TAF15: variants seen among roughly 807,000 people sequenced by gnomAD.
The protein encoded by TAF15 is TATA-binding protein-associated factor 2N.
A neutral mutation model predicts 102.5 loss-of-function variants in TAF15; 37 were observed. That is an observed-to-expected ratio of 0.36 (90% CI 0.28 to 0.47). The LOEUF is 0.47. Among genes scored for constraint, TAF15 ranks in the 20% least tolerant of loss-of-function variants. The probability of loss-of-function intolerance (pLI) is 0.99; values close to 1 mark genes in which losing one functional copy is unlikely to be tolerated. For synonymous variants in TAF15, 273 were observed against 259.2 expected, an observed-to-expected ratio of 1.05 and a Z score of -0.51; for missense variants, 652 against 760.7, an observed-to-expected ratio of 0.86 and a Z score of 1.68.
rs1203818378 is a variant in TAF15 at position 35,834,552 on chromosome 17, T to A, written c.641-14T>A. On this transcript the variant is annotated splice_polypyrimidine_tract_variant and intron_variant, in intron 8 of 15. Coordinates refer to ENST00000605844, the MANE Select transcript of TAF15 (RefSeq NM_139215.3). Reference sequence around the variant, plus strand: ...TTGCCTTAAATAGCTCTTTTTTCTTTTCTTTTCCCTTAGGTCACAGGGATT... The same window carrying A: ...TTGCCTTAAATAGCTCTTTTTTCTTATCTTTTCCCTTAGGTCACAGGGATT... The A allele has an allele frequency of 1.9e-6, 3 of 1,613,192 alleles. 1 individual carries two copies. In the Admixed American group the frequency reaches 5.0e-5, roughly 27 times the overall value.
intron 1 of TAF15, among the ~76,000 whole-genome samples, chr17:35,813,177 AAAAG>A (rs1308794107): frequency 6.6e-6 from 1 of 152,054 alleles, no homozygotes; most frequent in African/African-American, 2.4e-5. Context: ...ATAGATTTGA[AAAAG>A]AATCAAGTAA....
At chr17:35,838,238 G>A (rs1449798984) in intron 10 of TAF15, among the ~76,000 whole-genome samples, 186 bp from the exon 11 acceptor site, 1 of 152,004 alleles carries the variant, frequency 6.6e-6, no homozygotes, top group Non-Finnish European at 1.5e-5. Flanking sequence ...TTATAGCTTG[G>A]TTTTCACTTA....
chr17:35,827,161 G>C (rs894568045), intron 7 of TAF15, among the ~76,000 whole-genome samples: 1 of 151,636 alleles, frequency 6.6e-6, no homozygotes, highest in Non-Finnish European at 1.5e-5. Context: ...GGAGGCCGAG[G>C]CATTTCCACT....
At chr17:35,823,166 C>G (rs2087283779) in intron 6 of TAF15, among the ~76,000 whole-genome samples, 1 of 151,980 alleles carries the variant, frequency 6.6e-6, no homozygotes, top group East Asian at 1.9e-4. Context: ...CCTTTAAGGC[C>G]TAGTACATGG....
chr17:35,840,947 C>T lies in TAF15; in HGVS notation c.914-1420C>T, dbSNP rs112873637. 5.3e-5 allele frequency among the ~76,000 whole-genome samples: 8 copies of T among 152,306 alleles called. 1 individual carries two copies. The highest frequency in any genetic ancestry group is 1.9e-4 in the African/African-American group (8 of 41,568). On this transcript the variant is annotated intron_variant, in intron 11 of 15. Coordinates refer to ENST00000605844, the MANE Select transcript of TAF15 (RefSeq NM_139215.3). ...TTTAGACTAATTTGTCAGACTTCAT[C>T]ACCTTGCTCTTGAAGGCTAAGTCCA...
At chr17:35,830,569 T>A (rs1490620906) in intron 7 of TAF15, among the ~76,000 whole-genome samples, 1 of 152,218 alleles carries the variant, frequency 6.6e-6, no homozygotes, top group Non-Finnish European at 1.5e-5. Context: ...CAGGCACATC[T>A]TCTGTTAATA....
intron 1 of TAF15, chr17:35,816,639 A>G (rs1235398013): frequency 6.7e-6 from 1 of 149,090 alleles, no homozygotes; most frequent in African/African-American, 2.5e-5. Context: ...CGTTTCATAA[A>G]ATCTGCTCTT....
chr17:35,824,054 T>G (rs2087296188), intron 6 of TAF15, 24 bp from the exon 7 acceptor site: 1 of 1,613,912 alleles, frequency 6.2e-7, no homozygotes, highest in South Asian at 1.1e-5. Context: ...TGGTTATTTG[T>G]GTGTAATATT....
rs552515465 is a variant in TAF15, at chr17:35,825,013, A to G, written c.605+815A>G. ...TGTGTAAATACACAGGCTAAAAGGT[A>G]ATTTATGTTCCTTGGGAATTGAAAT... On this transcript the variant is annotated intron_variant, in intron 7 of 15. Coordinates refer to ENST00000605844, the MANE Select transcript of TAF15 (RefSeq NM_139215.3). Among the ~76,000 whole-genome samples, 207 of 152,274 alleles carry G rather than the reference A, an allele frequency of 1.4e-3. 1 individual carries two copies. In the Middle Eastern group the frequency reaches 0.024, roughly 18 times the overall value.
chr17:35,809,742 C>A (rs2087102405), intron 1 of TAF15, 166 bp downstream of exon 1: 3 of 894,386 alleles, frequency 3.4e-6, no homozygotes, highest in South Asian at 1.4e-5. Context: ...GAGGCACGCA[C>A]GCTCCCAATG....
chr17:35,842,330 A>AG (rs1265828623), intron 11 of TAF15, 37 bp from the exon 12 acceptor site: 7 of 1,500,648 alleles, frequency 4.7e-6, no homozygotes, highest in Non-Finnish European at 4.6e-6. Flanking sequence ...GGAGGTATAG[A>AG]GTAGCATTGC....
chr17:35,839,994 T>G (rs1472544018), intron 11 of TAF15, among the ~76,000 whole-genome samples: 1 of 152,234 alleles, frequency 6.6e-6, no homozygotes, highest in East Asian at 1.9e-4. Flanking sequence ...TAACTCAATT[T>G]AATCTTCATA....
Position 35,825,659 on chromosome 17 carries a change from T to A in TAF15, c.605+1461T>A, listed in dbSNP as rs528978992. Reference sequence around the variant, plus strand: ...AGGTAGGGAAGTCATTATAAATATATTTTCACTGGCCAGGCATGGTGACCC... The same window carrying A: ...AGGTAGGGAAGTCATTATAAATATAATTTCACTGGCCAGGCATGGTGACCC... On this transcript the variant is annotated intron_variant, in intron 7 of 15. Transcript: ENST00000605844. 8.5e-5 allele frequency among the ~76,000 whole-genome samples: 13 copies of A among 152,248 alleles called. No homozygotes were observed. In the East Asian group the frequency reaches 1.4e-3, roughly 16 times the overall value.
At chr17:35,812,565 A>G (rs983284115) in intron 1 of TAF15, among the ~76,000 whole-genome samples, 2 of 149,448 alleles carry the variant, frequency 1.3e-5, no homozygotes, top group Admixed American at 6.7e-5. Flanking sequence ...AGCCTGGGGA[A>G]CAAGAGAAAC....
At chr17:35,839,681 CG>C (rs1283675258) in intron 11 of TAF15, among the ~76,000 whole-genome samples, 3 of 152,032 alleles carry the variant, frequency 2.0e-5, no homozygotes, top group African/African-American at 7.3e-5. Flanking sequence ...CGCACCCGGC[CG>C]AGATGCTTTT....
chr17:35,816,545 A>T (rs2087196960), intron 1 of TAF15, among the ~76,000 whole-genome samples: 2 of 152,214 alleles, frequency 1.3e-5, no homozygotes, highest in Non-Finnish European at 2.9e-5. Flanking sequence ...ATTTGACAAC[A>T]GTGATTTTTG....
intron 5 of TAF15, among the ~76,000 whole-genome samples, chr17:35,822,201 C>T (rs1051278537): frequency 2.6e-5 from 4 of 151,764 alleles, no homozygotes; most frequent in Non-Finnish European, 4.4e-5. Context: ...ATTAGCCAGG[C>T]GTGGTGGCAC....
At chr17:35,837,285 G>T (rs945306101) in intron 10 of TAF15, among the ~76,000 whole-genome samples, 1 of 150,650 alleles carries the variant, frequency 6.6e-6, no homozygotes, top group Non-Finnish European at 1.5e-5. Flanking sequence ...CTGAGTAGTT[G>T]GAACCACTAA....
rs2087504851 is a variant in TAF15 at position 35,838,673 on chromosome 17, A to G, written c.913+120A>G. On this transcript the variant is annotated intron_variant, in intron 11 of 15. Transcript: ENST00000605844. Reference sequence around the variant, plus strand: ...ATGTTTACTTTTGCAGATATTAAGAATACAGGTCAGAATTTTTATGTACCT... The same window carrying G: ...ATGTTTACTTTTGCAGATATTAAGAGTACAGGTCAGAATTTTTATGTACCT... The G allele has an allele frequency of 3.4e-6, 5 of 1,456,258 alleles. No homozygotes were observed. The Admixed American group carries it at 7.6e-5, about 22-fold the overall frequency. The allele number at this position is 1,456,258 out of a possible 1,614,324, so 90.2% of individuals were successfully genotyped here. A position where few individuals can be genotyped will look rare whatever the true frequency, so the allele number is the denominator to read the frequency against.
Sources: allele counts gnomAD v4.1 joint callset (sites outside exome capture counted in the v4.1 genomes callset), GRCh38; gene constraint gnomAD v4.1.1; transcripts MANE v1.5; gene names NCBI Gene and HGNC (gene_info 2026-07-23, HGNC 2026-07-21).